The following GRHL3 variants were observed in gnomAD, a reference collection of about 807,000 sequenced individuals.
GRHL3 encodes grainyhead-like protein 3 homolog.
GRHL3 carries 20 observed loss-of-function variants against 70.3 expected under a neutral mutation model. The observed-to-expected ratio is 0.28, with a 90% CI of 0.20 to 0.41. The LOEUF is 0.41. Ranked by LOEUF, GRHL3 falls within the 10% of genes least tolerant of loss-of-function variation. The pLI is 1.00. For missense variants in GRHL3, 637 were observed against 762.3 expected, an observed-to-expected ratio of 0.84 and a Z score of 1.94; for synonymous variants, 299 against 299.9, an observed-to-expected ratio of 1.00 and a Z score of 0.03.
At chr1:24,353,389 G>C (rs1640590249) in intron 15 of GRHL3, among the ~76,000 whole-genome samples, 1 of 152,120 alleles carries the variant, frequency 6.6e-6, no homozygotes, top group Non-Finnish European at 1.5e-5. Context: ...GTGGATGGAG[G>C]ATGGTGGATG....
At chr1:24,337,039 T>C (rs1237948983) in intron 4 of GRHL3, 39 bp from the exon 5 acceptor site, 2 of 1,590,236 alleles carry the variant, frequency 1.3e-6, no homozygotes, top group Admixed American at 1.7e-5. Context: ...CCAGAGTGAA[T>C]GTGAGCATTT....
chr1:24,352,928 T>A (rs1324571507), intron 15 of GRHL3, among the ~76,000 whole-genome samples: 2 of 152,198 alleles, frequency 1.3e-5, no homozygotes, highest in East Asian at 3.9e-4. Flanking sequence ...GACAACTGGA[T>A]GTGGGCCATG....
intron 1 of GRHL3, among the ~76,000 whole-genome samples, chr1:24,326,796 C>T (rs1015975759): frequency 6.6e-6 from 1 of 152,152 alleles, no homozygotes; most frequent in African/African-American, 2.4e-5. Flanking sequence ...GTTCCCAGGC[C>T]AGACCCTAGG....
At position 24,339,778 on chromosome 1, in the gene GRHL3, A is replaced by G. The variant is rs749951210; in HGVS notation, c.1047+16A>G. ...AGAGGCCAAGGTCAGTGCTGAGGGC[A>G]GTGGCTGGGATGGGACTGGGCTGCC... On this transcript the variant is annotated intron_variant, in intron 8 of 15. Transcript: ENST00000361548. The G allele has an allele frequency of 1.2e-5, 19 of 1,575,574 alleles. No homozygotes were observed. Among genetic ancestry groups the G allele is most frequent in the Non-Finnish European group, 1.5e-5 (17 of 1,148,582 alleles).
At position 24,350,263 on chromosome 1, in the gene GRHL3, C is replaced by T. The variant is rs184474080; in HGVS notation, c.1694+141C>T. On this transcript the variant is annotated intron_variant, in intron 15 of 15. Transcript: ENST00000361548. ...AGGCCAAAGCCACTGGTCACCTCTCCATCTGCAGAGACCAGACATGGGTCA... is the reference window on the plus strand; with the variant it reads ...AGGCCAAAGCCACTGGTCACCTCTCTATCTGCAGAGACCAGACATGGGTCA... 4.0e-4 allele frequency: 252 copies of T among 623,476 alleles called. 1 individual carries two copies. In the East Asian group the frequency reaches 7.2e-3, roughly 18 times the overall value. 38.6% of individuals were successfully genotyped at this position (623,476 alleles called of 1,614,324 possible).
chr1:24,333,743 C>T (rs1404347353), intron 2 of GRHL3, among the ~76,000 whole-genome samples: 1 of 152,100 alleles, frequency 6.6e-6, no homozygotes, highest in East Asian at 1.9e-4. Flanking sequence ...CTTGTAAGTA[C>T]TAAGACAATA....
intron 8 of GRHL3, 90 bp downstream of exon 8, chr1:24,339,852 T>C: frequency 1.3e-6 from 1 of 780,200 alleles, no homozygotes; most frequent in Non-Finnish European, 2.1e-6. Context: ...TAGGATAGTG[T>C]CATTTGCTCC....
At chr1:24,325,298 T>G (rs545995053) in intron 1 of GRHL3, among the ~76,000 whole-genome samples, 9 of 152,216 alleles carry the variant, frequency 5.9e-5, no homozygotes, top group African/African-American at 2.2e-4. Flanking sequence ...TGGTGTTGGG[T>G]TTTCTTCCCA....
intron 11 of GRHL3, 134 bp from the exon 12 acceptor site, chr1:24,344,762 TG>T: frequency 2.2e-6 from 2 of 916,190 alleles, no homozygotes; most frequent in Non-Finnish European, 1.8e-6. Flanking sequence ...CTGAGCAGAA[TG>T]GGCTAGAAAG....
In GRHL3 at chr1:24,364,257, G is replaced by A. The variant is rs200103413; in HGVS notation, c.1767G>A (p.Val589=). ...ACTGTCTTGAATGTTCCCATCCTGT[G>A]ACTCAAGTGAGGAACATGGGTTTTG... The change falls in exon 16 of 16, where the codon GTG becomes GTA. Residue 589 remains valine (V), a synonymous_variant. Transcript: ENST00000350501. 1.0e-3 allele frequency: 1,610 copies of A among 1,548,618 alleles called. 1 individual carries two copies. Among genetic ancestry groups the A allele is most frequent in the Non-Finnish European group, 1.3e-3 (1,517 of 1,146,380 alleles).
chr1:24,329,115 C>T (rs1349730680), intron 1 of GRHL3, among the ~76,000 whole-genome samples: 1 of 152,202 alleles, frequency 6.6e-6, no homozygotes, highest in Non-Finnish European at 1.5e-5. Context: ...GGGTGTGCCT[C>T]CCGCTCTCCG....
intron 4 of GRHL3, 38 bp from the exon 5 acceptor site, chr1:24,337,040 G>A (rs745775809): frequency 6.3e-7 from 1 of 1,592,524 alleles, no homozygotes; most frequent in Non-Finnish European, 8.6e-7. Context: ...CAGAGTGAAT[G>A]TGAGCATTTA....
chr1:24,358,717 C>A, downstream of GRHL3: 1 of 847,712 alleles, frequency 1.2e-6, no homozygotes, highest in African/African-American at 1.7e-5. Flanking sequence ...CTGGGGACCC[C>A]TGTGCCAGCC....
intron 7 of GRHL3, among the ~76,000 whole-genome samples, chr1:24,339,083 C>T (rs1639935860): frequency 6.6e-6 from 1 of 152,192 alleles, no homozygotes; most frequent in Non-Finnish European, 1.5e-5. Flanking sequence ...AAAAGTATAA[C>T]CTCTACCCCC....
intron 12 of GRHL3, among the ~76,000 whole-genome samples, chr1:24,345,190 GC>G (rs1418922733): frequency 0.14 from 237 of 1,752 alleles, 1 homozygote; most frequent in Middle Eastern, 0.5. Flanking sequence ...CTACACCTGT[GC>G]CCCCTCTACA....
At chr1:24,360,359 G>A (rs1312788427) in intron 15 of GRHL3, among the ~76,000 whole-genome samples, 1 of 152,168 alleles carries the variant, frequency 6.6e-6, no homozygotes, top group Non-Finnish European at 1.5e-5. Context: ...TGAGGCATGA[G>A]AATTGCCTGA....
At chr1:24,354,281 A>C in intron 15 of GRHL3, 93 bp from the exon 16 acceptor site, 3 of 791,726 alleles carry the variant, frequency 3.8e-6, no homozygotes, top group African/African-American at 1.7e-5. Flanking sequence ...GCAGGTACCC[A>C]CTGGGTATGA....
chr1:24,356,285 C>T (rs1640716400), downstream of GRHL3, among the ~76,000 whole-genome samples: 1 of 151,804 alleles, frequency 6.6e-6, no homozygotes, highest in African/African-American at 2.4e-5. Flanking sequence ...CTCTGTCGCC[C>T]AGGCTGGAGT....
Position 24,322,962 on chromosome 1 carries a change from G to A in GRHL3, c.17+3394G>A, listed in dbSNP as rs1639256995. ...TTGCCCAAGGTCTCACGGAAGCACT[G>A]GGATCTTAACCGGGTCTTAGCCGAG... On this transcript the variant is annotated intron_variant, in intron 1 of 15. Transcript: ENST00000361548. The surrounding 1 kb of genome is among the most constrained non-coding windows in gnomAD (Gnocchi z 4.4). 2.4e-6 allele frequency: 2 copies of A among 832,022 alleles called. No homozygotes were observed. Among genetic ancestry groups the A allele is most frequent in the African/African-American group, 3.4e-5 (2 of 58,608 alleles). The allele number at this position is 832,022 out of a possible 1,614,324, so 51.5% of individuals were successfully genotyped here. A position where few individuals can be genotyped will look rare whatever the true frequency, so the allele number is the denominator to read the frequency against.
Sources: allele counts gnomAD v4.1 joint callset (sites outside exome capture counted in the v4.1 genomes callset), GRCh38; gene constraint gnomAD v4.1.1; non-coding constraint Gnocchi (gnomAD v3.1); transcripts MANE v1.5; gene names NCBI Gene and HGNC (gene_info 2026-07-23, HGNC 2026-07-21).